Variants in MEGF8 observed in about 807,000 individuals in gnomAD.
MEGF8 encodes the protein multiple EGF like domains 8.
In MEGF8, 156 loss-of-function variants were observed where a neutral mutation model predicts 302.9. The observed-to-expected ratio is 0.52, with a 90% CI of 0.45 to 0.59. The LOEUF (loss-of-function observed/expected upper bound fraction) is 0.59, where lower values mean the gene tolerates loss of function less well. Ranked by LOEUF, MEGF8 falls within the 20% of genes least tolerant of loss-of-function variation. The pLI is 0.00. For synonymous variants in MEGF8, 1,621 were observed against 1,660.5 expected (o/e 0.98, Z 0.58); for missense variants, 3,345 against 3,964.5 (o/e 0.84, Z 4.20).
chr19:42,365,006 TCTCCA>T (rs781078926), intron 35 of MEGF8, among the ~76,000 whole-genome samples: 6 of 152,084 alleles, frequency 3.9e-5, no homozygotes, highest in African/African-American at 2.4e-5. Flanking sequence ...GGATTCCCAG[TCTCCA>T]CTGTATGGGA....
intron 1 of MEGF8, among the ~76,000 whole-genome samples, chr19:42,328,038 A>G: frequency 6.6e-6 from 1 of 152,192 alleles, no homozygotes; most frequent in East Asian, 1.9e-4. Context: ...CAGTGAGCCA[A>G]TATTGTGCCA....
Position 42,362,387 on chromosome 19 carries a change from T to A in MEGF8, c.5848T>A (p.Ser1950Thr), listed in dbSNP as rs1409781298. ...RTLQPGDGEA[S>T]TPRCKWCTNC... ...CTAGCCTGTCTTCCCTCACCAGGCG[T>A]CCACCCCCCGCTGTAAGTGGTGTAC... is the stretch of plus-strand genomic sequence containing the variant. Residue 1950 changes from serine to threonine, a missense_variant, in exon 34 of 42, where the codon TCC becomes ACC. By Grantham distance (58) the Ser-to-Thr change is moderately conservative. Coordinates refer to ENST00000251268, the MANE Select transcript of MEGF8 (RefSeq NM_001271938.2). 4.3e-6 allele frequency: 7 copies of A among 1,613,662 alleles called. No homozygotes were observed. The highest frequency in any genetic ancestry group is 4.2e-6 in the Non-Finnish European group (5 of 1,179,852).
rs766442833 is a variant in MEGF8, at chr19:42,355,845, G to T, written c.4232G>T (p.Gly1411Val). The T allele has an allele frequency of 6.4e-7, 1 of 1,567,376 alleles. No individual in the cohort carries two copies. Among genetic ancestry groups the T allele is most frequent in the East Asian group, 2.4e-5 (1 of 42,240 alleles). The change falls in exon 24 of 42, where the codon GGC becomes GTC. Residue 1411 changes from glycine to valine, a missense_variant. Gly to Val is a moderately radical substitution (Grantham distance 109, BLOSUM62 -3). Transcript: ENST00000251268. Reference sequence around the variant, plus strand: ...GGCTCTGCCCGCTGTGGGTCAGGGGGCCCCGGGAGCTGTCCCGTCCCCCAG... The same window carrying T: ...GGCTCTGCCCGCTGTGGGTCAGGGGTCCCCGGGAGCTGTCCCGTCCCCCAG... ...SVGSARCGSG[G>V]PGSCPVPQEC...
Position 42,333,604 on chromosome 19 carries a change from G to A in MEGF8, c.188-1G>A. On this transcript the variant is annotated splice_acceptor_variant, in intron 1 of 41. Coordinates refer to ENST00000251268, the MANE Select transcript of MEGF8 (RefSeq NM_001271938.2). LOFTEE classifies it high-confidence loss of function. ...TTGGTCCCTCTGTGCTCACCTCCCA[G>A]CCCCAAGCCCCCAGCACCGGATCCT... The A allele has an allele frequency of 6.2e-7, 1 of 1,613,288 alleles. No individual in the cohort carries two copies. Among genetic ancestry groups the A allele is most frequent in the Non-Finnish European group, 8.5e-7 (1 of 1,179,456 alleles).
chr19:42,353,058 C>A lies in MEGF8; in HGVS notation c.3481C>A (p.Arg1161=). 1 of 1,551,248 alleles carries A rather than the reference C, an allele frequency of 6.4e-7. No individual in the cohort carries two copies. Among genetic ancestry groups the A allele is most frequent in the Non-Finnish European group, 8.7e-7 (1 of 1,147,688 alleles). The change falls in exon 20 of 42, where the codon CGG becomes AGG. Residue 1161 remains arginine (R), a synonymous_variant. Transcript: ENST00000251268. This position sits in a 1 kb window ranked among gnomAD's most constrained non-coding sequence, Gnocchi z 6.1. ...APGPPAPRCS[R]DCGCSFHSHC... is the part of the protein sequence containing the mutation. The stretch of plus-strand genomic sequence containing the variant: ...GGGTCCGCCAGCCCCCCGCTGCTCC[C>A]GGGACTGTGGCTGCAGCTTCCACAG...
rs751405339 is a variant in MEGF8, at chr19:42,376,256, G to A, written c.8019G>A (p.Lys2673=). The A allele has an allele frequency of 1.9e-6, 3 of 1,610,226 alleles. No individual in the cohort carries two copies. Among genetic ancestry groups the A allele is most frequent in the Non-Finnish European group, 2.5e-6 (3 of 1,178,432 alleles). The change falls in exon 42 of 42, where the codon AAG becomes AAA. Residue 2673 remains lysine, a synonymous_variant. Coordinates refer to ENST00000251268, the MANE Select transcript of MEGF8 (RefSeq NM_001271938.2). The surrounding 1 kb of genome is among the most constrained non-coding windows in gnomAD (Gnocchi z 8.2). ...TCTGTGTGCTCCTCTGGAAGGCCAAGCAGGCTCTGGACCAGCGGCAGGAGC... is the reference window on the plus strand; with the variant it reads ...TCTGTGTGCTCCTCTGGAAGGCCAAACAGGCTCTGGACCAGCGGCAGGAGC... ...LSLCVLLWKA[K]QALDQRQEQR...
In MEGF8 at chr19:42,377,053, A is replaced by G. The variant is rs117510235; in HGVS notation, c.*278A>G. On this transcript the variant is annotated 3_prime_UTR_variant, in exon 42 of 42. Coordinates refer to ENST00000251268, the MANE Select transcript of MEGF8 (RefSeq NM_001271938.2). Reference sequence around the variant, plus strand: ...ACTTAGGTTCTGGTGAAGGGAGACAATCAGTGCACATGCACACACCCCACA... The same window carrying G: ...ACTTAGGTTCTGGTGAAGGGAGACAGTCAGTGCACATGCACACACCCCACA... 486 of 413,954 alleles carry G rather than the reference A, an allele frequency of 1.2e-3. 3 individuals are homozygous for G. In the East Asian group the frequency reaches 0.017, roughly 14 times the overall value. The allele number at this position is 413,954 out of a possible 1,614,324, so 25.6% of individuals were successfully genotyped here. A position where few individuals can be genotyped will look rare whatever the true frequency, so the allele number is the denominator to read the frequency against.
rs754002454 is a variant in MEGF8, at chr19:42,337,162, A to G, written c.1469A>G (p.Gln490Arg). The G allele has an allele frequency of 1.2e-6, 2 of 1,614,000 alleles. No individual in the cohort carries two copies. The highest frequency in any genetic ancestry group is 1.7e-6 in the Non-Finnish European group (2 of 1,179,892). The change falls in exon 8 of 42, where the codon CAA (glutamine) becomes CGA (arginine). Residue 490 changes from glutamine (Q) to arginine (R), a missense_variant. By Grantham distance (43) the Gln-to-Arg change is conservative. Coordinates refer to ENST00000251268, the MANE Select transcript of MEGF8 (RefSeq NM_001271938.2). ...TTCTTCTACCACCTTGGCTGCCATC[A>G]ATGGGTGTCAGGAGCTGAGCTTGCC... Reference protein sequence around the residue: ...GIFFYHLGCHQWVSGAELAPP... With the variant: ...GIFFYHLGCHRWVSGAELAPP...
Position 42,352,671 on chromosome 19 carries a change from G to C in MEGF8, c.3350+215G>C. The C allele has an allele frequency of 1.4e-6, 1 of 692,032 alleles. No individual in the cohort carries two copies. Among genetic ancestry groups the C allele is most frequent in the Non-Finnish European group, 2.4e-6 (1 of 421,094 alleles). The allele number at this position is 692,032 out of a possible 1,614,324, so 42.9% of individuals were successfully genotyped here. ...GGAAATGGGGCACCCATAGGCTGTG[G>C]GCCATAGTCTTCAGCGTTGCCATGG... On this transcript the variant is annotated intron_variant, in intron 19 of 41. Coordinates refer to ENST00000251268, the MANE Select transcript of MEGF8 (RefSeq NM_001271938.2). This position sits in a 1 kb window ranked among gnomAD's most constrained non-coding sequence, Gnocchi z 4.4.
Position 42,376,043 on chromosome 19 carries a change from C to G in MEGF8, c.7806C>G (p.His2602Gln), listed in dbSNP as rs369259843. 1 of 1,603,836 alleles carries G rather than the reference C, an allele frequency of 6.2e-7. No homozygotes were observed. The highest frequency in any genetic ancestry group is 8.5e-7 in the Non-Finnish European group (1 of 1,177,714). Residue 2602 changes from histidine to glutamine, a missense_variant, in exon 42 of 42, where the codon CAC (histidine) becomes CAG (glutamine). Transcript: ENST00000251268. This position sits in a 1 kb window ranked among gnomAD's most constrained non-coding sequence, Gnocchi z 8.2. ...VRDRLVITYPHEHHALKSSRF... is the reference protein window; with the variant it reads ...VRDRLVITYPQEHHALKSSRF... The stretch of plus-strand genomic sequence containing the variant: ...ACCGGCTGGTCATCACCTACCCACA[C>G]GAGCACCATGCCCTCAAGTCGAGCC...
rs1385764301 is a variant in MEGF8 at position 42,362,390 on chromosome 19, A to AC, written c.5857dup (p.Arg1953ProfsTer3). Reference sequence around the variant, plus strand: ...GCCTGTCTTCCCTCACCAGGCGTCCACCCCCCGCTGTAAGTGGTGTACCAA... The same window carrying AC: ...GCCTGTCTTCCCTCACCAGGCGTCCACCCCCCCGCTGTAAGTGGTGTACCAA... On this transcript the variant is annotated frameshift_variant, in exon 34 of 42. Transcript: ENST00000251268. LOFTEE classifies it high-confidence loss of function. 6 of 1,613,418 alleles carry AC rather than the reference A, an allele frequency of 3.7e-6. No individual in the cohort carries two copies. Among genetic ancestry groups the AC allele is most frequent in the East Asian group, 2.2e-5 (1 of 44,864 alleles).
chr19:42,348,116 T>A (rs1490714198), intron 12 of MEGF8, among the ~76,000 whole-genome samples, 156 bp from the exon 13 acceptor site: 1 of 152,178 alleles, frequency 6.6e-6, no homozygotes, highest in East Asian at 1.9e-4. Flanking sequence ...TTTCCCAGAG[T>A]GACCTTTGAC....
Position 42,351,045 on chromosome 19 carries a change from A to G in MEGF8, c.2737-171A>G. On this transcript the variant is annotated intron_variant, in intron 15 of 41. Coordinates refer to ENST00000251268, the MANE Select transcript of MEGF8 (RefSeq NM_001271938.2). The surrounding 1 kb of genome is among the most constrained non-coding windows in gnomAD (Gnocchi z 5.6). ...GAGACAGTGGGTGCTGGGCGGGCCG[A>G]CCCATGGGTGTCTGTGGTCGAAGGG... 1.6e-6 allele frequency: 1 copy of G among 640,720 alleles called. No homozygotes were observed. The highest frequency in any genetic ancestry group is 2.7e-6 in the Non-Finnish European group (1 of 363,710). 39.7% of individuals were successfully genotyped at this position (640,720 alleles called of 1,614,324 possible).
In MEGF8 at chr19:42,376,465, C is replaced by T. The variant is rs925382191; in HGVS notation, c.8228C>T (p.Pro2743Leu). 6 of 1,608,254 alleles carry T rather than the reference C, an allele frequency of 3.7e-6. No individual in the cohort carries two copies. In the African/African-American group the frequency reaches 5.3e-5, roughly 14 times the overall value. Residue 2743 changes from proline to leucine, a missense_variant, in exon 42 of 42, where the codon CCC (proline) becomes CTC (leucine). Physicochemically the swap from Pro to Leu is moderately conservative, Grantham distance 98 (BLOSUM62 -3). Coordinates refer to ENST00000251268, the MANE Select transcript of MEGF8 (RefSeq NM_001271938.2). This position sits in a 1 kb window ranked among gnomAD's most constrained non-coding sequence, Gnocchi z 8.2. ...APLLLTGAGG[P>L]WGPMGGGCCP... The stretch of plus-strand genomic sequence containing the variant: ...CTGCTGCTGACAGGGGCCGGTGGGC[C>T]CTGGGGACCCATGGGAGGGGGCTGC...
rs1196461222 is a variant in MEGF8, at chr19:42,376,019, C to T, written c.7782C>T (p.Asp2594=). The T allele has an allele frequency of 6.2e-7, 1 of 1,605,254 alleles. No individual in the cohort carries two copies. ...TGCTGGTGGTCCGCGGCGTGCGGGA[C>T]CGGCTGGTCATCACCTACCCACACG... ...SAVLVVRGVR[D]RLVITYPHEH... is the part of the protein sequence containing the mutation. Residue 2594 remains aspartate (D), a synonymous_variant, in exon 42 of 42, where the codon GAC becomes GAT. Transcript: ENST00000251268. The surrounding 1 kb of genome is among the most constrained non-coding windows in gnomAD (Gnocchi z 8.2).
rs1260427441 is a variant in MEGF8, at chr19:42,353,632, G to T, written c.3718G>T (p.Ala1240Ser). The change falls in exon 21 of 42, where the codon GCC becomes TCC. Residue 1240 changes from alanine (A) to serine (S), a missense_variant. Transcript: ENST00000251268. The surrounding 1 kb of genome is among the most constrained non-coding windows in gnomAD (Gnocchi z 6.1). Reference sequence around the variant, plus strand: ...CTTCTGCCAGGACCACACCGAGGGTGCCCACTGCCAGCTCTGCTCCCCAGG... The same window carrying T: ...CTTCTGCCAGGACCACACCGAGGGTTCCCACTGCCAGCTCTGCTCCCCAGG... ...LCFCQDHTEGAHCQLCSPGYY... is the reference protein window; with the variant it reads ...LCFCQDHTEGSHCQLCSPGYY... 6.3e-7 allele frequency: 1 copy of T among 1,581,616 alleles called. No homozygotes were observed. Among genetic ancestry groups the T allele is most frequent in the South Asian group, 1.1e-5 (1 of 87,706 alleles).
rs1200046683 is a variant in MEGF8 at position 42,360,978 on chromosome 19, G to A, written c.5692G>A (p.Ala1898Thr). 6.4e-7 allele frequency: 1 copy of A among 1,569,208 alleles called. No individual in the cohort carries two copies. Among genetic ancestry groups the A allele is most frequent in the Admixed American group, 1.8e-5 (1 of 54,344 alleles). The stretch of plus-strand genomic sequence containing the variant: ...TGGGGCCTGCACCTGGTGCCATGGG[G>A]CCTGCTTGTCCGGGGATCAGGCCCA... ...QSGACTWCHGACLSGDQAHRL... is the reference protein window; with the variant it reads ...QSGACTWCHGTCLSGDQAHRL... The change falls in exon 32 of 42, where the codon GCC (alanine) becomes ACC (threonine). Residue 1898 changes from alanine (A) to threonine (T), a missense_variant. Ala to Thr is a moderately conservative substitution (Grantham distance 58). Coordinates refer to ENST00000251268, the MANE Select transcript of MEGF8 (RefSeq NM_001271938.2).
Position 42,363,105 on chromosome 19 carries a change from A to G in MEGF8, c.6116A>G (p.His2039Arg). ...ACCTATGACTGGACGTGCTTCAGCC[A>G]CTCTCTGCTGAATGTGTCCCCCATG... The part of the protein sequence containing the change: ...QPTYDWTCFS[H>R]SLLNVSPMPV... The change falls in exon 35 of 42, where the codon CAC becomes CGC. Residue 2039 changes from histidine to arginine, a missense_variant. By Grantham distance (29) the His-to-Arg change is conservative. Coordinates refer to ENST00000251268, the MANE Select transcript of MEGF8 (RefSeq NM_001271938.2). 6.2e-7 allele frequency: 1 copy of G among 1,612,946 alleles called. No individual in the cohort carries two copies. Among genetic ancestry groups the G allele is most frequent in the Non-Finnish European group, 8.5e-7 (1 of 1,179,518 alleles).
chr19:42,366,452 G>T, intron 35 of MEGF8, among the ~76,000 whole-genome samples: 1 of 152,168 alleles, frequency 6.6e-6, no homozygotes, highest in South Asian at 2.1e-4. Flanking sequence ...ACCTGCCTCG[G>T]CCTCCCAAAG....
Sources: allele counts gnomAD v4.1 joint callset (sites outside exome capture counted in the v4.1 genomes callset), GRCh38; gene constraint gnomAD v4.1.1; non-coding constraint Gnocchi (gnomAD v3.1); transcripts MANE v1.5; gene names NCBI Gene and HGNC (gene_info 2026-07-23, HGNC 2026-07-21).